GALNTL6: variants seen among roughly 807,000 people sequenced by gnomAD.
GALNTL6 encodes the protein polypeptide N-acetylgalactosaminyltransferase-like 6.
Under a neutral mutation model 73.7 loss-of-function variants are expected in GALNTL6, and 46 were observed. The observed-to-expected ratio is 0.62, with a 90% CI of 0.49 to 0.80. The LOEUF (loss-of-function observed/expected upper bound fraction) is 0.80, where lower values mean the gene tolerates loss of function less well. Ranked by LOEUF, GALNTL6 falls within the 30% of genes least tolerant of loss-of-function variation. The probability of loss-of-function intolerance (pLI) is 0.00; values close to 1 mark genes in which losing one functional copy is unlikely to be tolerated. For synonymous variants in GALNTL6, 259 were observed against 263.7 expected, an observed-to-expected ratio of 0.98 and a Z score of 0.17; for missense variants, 604 against 755.0, an observed-to-expected ratio of 0.80 and a Z score of 2.34.
chr4:172,756,373 G>C (rs1737751146), intron 5 of GALNTL6, among the ~76,000 whole-genome samples: 1 of 152,228 alleles, frequency 6.6e-6, no homozygotes, highest in Non-Finnish European at 1.5e-5. Context: ...GCTGGGCGCT[G>C]TGGCTCACGC....
intron 2 of GALNTL6, among the ~76,000 whole-genome samples, chr4:172,011,425 T>A (rs1250196210): frequency 6.6e-6 from 1 of 152,130 alleles, no homozygotes; most frequent in Non-Finnish European, 1.5e-5. Flanking sequence ...TGACTTTTTT[T>A]ATTGAAATGT....
At chr4:172,337,556 A>AT (rs759658091) in intron 4 of GALNTL6, among the ~76,000 whole-genome samples, 32 of 150,120 alleles carry the variant, frequency 2.1e-4, no homozygotes, top group East Asian at 1.2e-3. Flanking sequence ...TGGTACATTA[A>AT]TTTTTTTTTT....
At chr4:173,035,889 G>C (rs1251796530) in intron 12 of GALNTL6, among the ~76,000 whole-genome samples, 1 of 152,180 alleles carries the variant, frequency 6.6e-6, no homozygotes, top group Non-Finnish European at 1.5e-5. Flanking sequence ...GGTACATTCT[G>C]ATTTTTAGAA....
chr4:172,309,720 T>A (rs1740280971), intron 3 of GALNTL6, among the ~76,000 whole-genome samples: 1 of 150,214 alleles, frequency 6.7e-6, no homozygotes, highest in African/African-American at 2.4e-5. Flanking sequence ...TGTGTATCTG[T>A]AAAACACTAG....
At position 172,603,150 on chromosome 4, in the gene GALNTL6, A is replaced by T. The variant is rs540097505; in HGVS notation, c.554-206211A>T. Reference sequence around the variant, plus strand: ...TTCTAGAATGATGGAAATGTTTATCATCTTTGTTTGACAGTAGTTATACAG... The same window carrying T: ...TTCTAGAATGATGGAAATGTTTATCTTCTTTGTTTGACAGTAGTTATACAG... On this transcript the variant is annotated intron_variant, in intron 5 of 12. Coordinates refer to ENST00000506823, the MANE Select transcript of GALNTL6 (RefSeq NM_001034845.3). 2.0e-5 allele frequency among the ~76,000 whole-genome samples: 3 copies of T among 152,358 alleles called. No individual in the cohort carries two copies. The South Asian group carries it at 6.2e-4, about 32-fold the overall frequency.
At chr4:172,715,097 C>T (rs973132617) in intron 5 of GALNTL6, among the ~76,000 whole-genome samples, 1 of 150,268 alleles carries the variant, frequency 6.7e-6, no homozygotes, top group African/African-American at 2.4e-5. Context: ...ATGATTTCAA[C>T]AAAAAAAAAT....
At chr4:172,342,865 T>TGTAAGCAGACAGCAATGTGCC (rs1161109070) in intron 4 of GALNTL6, among the ~76,000 whole-genome samples, 4 of 152,180 alleles carry the variant, frequency 2.6e-5, no homozygotes, top group Non-Finnish European at 5.9e-5. Flanking sequence ...ACCAATGAGC[T>TGTAAGCAGACAGCAATGTGCC]GTAAGCAGAC....
chr4:171,842,343 A>G (rs1445600160), intron 2 of GALNTL6, among the ~76,000 whole-genome samples: 1 of 152,146 alleles, frequency 6.6e-6, no homozygotes, highest in Non-Finnish European at 1.5e-5. Context: ...ATCCCCAAAG[A>G]TGCAATTATA....
intron 2 of GALNTL6, among the ~76,000 whole-genome samples, chr4:172,196,176 C>A (rs1243545322): frequency 1.3e-5 from 2 of 151,998 alleles, no homozygotes; most frequent in East Asian, 1.9e-4. Context: ...CACCACTATG[C>A]AAATAAACTA....
At chr4:173,021,772 T>C (rs1753000603) in intron 12 of GALNTL6, 147 bp downstream of exon 12, 1 of 755,678 alleles carries the variant, frequency 1.3e-6, no homozygotes, top group African/African-American at 1.8e-5. Context: ...GGTGGGCAGA[T>C]CACCTGAGGT....
chr4:171,955,998 T>G (rs1579004843), intron 2 of GALNTL6, among the ~76,000 whole-genome samples: 2 of 115,456 alleles, frequency 1.7e-5, no homozygotes, highest in Non-Finnish European at 3.6e-5. Context: ...ACTTACTAAT[T>G]TGTGTGTGTG....
intron 5 of GALNTL6, among the ~76,000 whole-genome samples, chr4:172,536,719 G>A (rs1006827301): frequency 4.6e-5 from 7 of 152,172 alleles, no homozygotes; most frequent in Non-Finnish European, 1.0e-4. Context: ...TGGAACTTAT[G>A]TTTAAAAGGG....
At chr4:172,338,432 T>C (rs1235681388) in intron 4 of GALNTL6, among the ~76,000 whole-genome samples, 1 of 152,086 alleles carries the variant, frequency 6.6e-6, no homozygotes, top group Non-Finnish European at 1.5e-5. Flanking sequence ...AATCGGATTT[T>C]TTTTCTCTCT....
intron 5 of GALNTL6, among the ~76,000 whole-genome samples, chr4:172,560,019 G>C (rs933672444): frequency 1.3e-5 from 2 of 152,078 alleles, no homozygotes; most frequent in African/African-American, 4.8e-5. Context: ...GTTCCAATTC[G>C]TAATTAATGT....
In GALNTL6 at chr4:172,455,875, G is replaced by GGAGGA. The variant is rs1732380767; in HGVS notation, c.553+107187_553+107188insAGGAG. Among the ~76,000 whole-genome samples, 4 of 152,112 alleles carry GGAGGA rather than the reference G, an allele frequency of 2.6e-5. No individual in the cohort carries two copies. In the South Asian group the frequency reaches 8.3e-4, roughly 31 times the overall value. The stretch of plus-strand genomic sequence containing the variant: ...AAGGGACAGACTGCCTCCTCAAGTG[G>GGAGGA]GTCCCTGACCCCAGTGCCTCCTGAC... On this transcript the variant is annotated intron_variant, in intron 5 of 12. Transcript: ENST00000506823.
At chr4:172,557,468 TGGGAGAAA>T (rs1736192401) in intron 5 of GALNTL6, among the ~76,000 whole-genome samples, 1 of 152,076 alleles carries the variant, frequency 6.6e-6, no homozygotes, top group African/African-American at 2.4e-5. Flanking sequence ...AGGCACGGAC[TGGGAGAAA>T]ATATTTGCAA....
chr4:172,920,630 C>T (rs1366885331), intron 8 of GALNTL6, among the ~76,000 whole-genome samples: 2 of 152,186 alleles, frequency 1.3e-5, no homozygotes, highest in East Asian at 3.9e-4. Context: ...TCACTCATTT[C>T]TTTAATTTAT....
chr4:172,300,816 C>G (rs573861190), intron 3 of GALNTL6, among the ~76,000 whole-genome samples: 3 of 152,250 alleles, frequency 2.0e-5, no homozygotes, highest in African/African-American at 7.2e-5. Flanking sequence ...TCCTTCATTT[C>G]AACTTTGGTG....
chr4:172,801,295 A>G (rs1740625611), intron 5 of GALNTL6, among the ~76,000 whole-genome samples: 1 of 152,200 alleles, frequency 6.6e-6, no homozygotes, highest in South Asian at 2.1e-4. Flanking sequence ...TATTTTGTGT[A>G]AAATAATCTA....
Sources: allele counts gnomAD v4.1 joint callset (sites outside exome capture counted in the v4.1 genomes callset), GRCh38; gene constraint gnomAD v4.1.1; transcripts MANE v1.5; gene names NCBI Gene and HGNC (gene_info 2026-07-23, HGNC 2026-07-21).